The following PITPNM2 variants were observed in gnomAD, a reference collection of about 807,000 sequenced individuals.
PITPNM2 encodes the protein phosphatidylinositol transfer protein membrane associated 2, also known as membrane-associated phosphatidylinositol transfer protein 2.
PITPNM2 carries 35 observed loss-of-function variants against 132.2 expected under a neutral mutation model. The observed-to-expected ratio is 0.26, with a 90% CI of 0.20 to 0.35. The LOEUF (loss-of-function observed/expected upper bound fraction) is 0.35, where lower values mean the gene tolerates loss of function less well. Ranked by LOEUF, PITPNM2 falls within the 10% of genes least tolerant of loss-of-function variation. PITPNM2 has a pLI of 1.00. For missense variants in PITPNM2, 1,332 were observed against 1,912.0 expected, an observed-to-expected ratio of 0.70 and a Z score of 5.66; for synonymous variants, 738 against 799.2, an observed-to-expected ratio of 0.92 and a Z score of 1.29.
At chr12:123,081,280 A>C (rs932887609) in intron 2 of PITPNM2, 3 of 152,352 alleles carry the variant, frequency 2.0e-5, no homozygotes, top group Non-Finnish European at 2.9e-5. Context: ...TGGGCACCAT[A>C]GACTCCATAA....
chr12:123,038,515 A>G (rs1438480200), intron 2 of PITPNM2, among the ~76,000 whole-genome samples: 1 of 152,236 alleles, frequency 6.6e-6, no homozygotes, highest in African/African-American at 2.4e-5. Context: ...CATGAAAACA[A>G]GATAAGTTGC....
intron 8 of PITPNM2, 61 bp from the exon 9 acceptor site, chr12:123,001,219 G>A (rs2038657591): frequency 3.0e-6 from 4 of 1,346,938 alleles, no homozygotes; most frequent in East Asian, 2.3e-5. Flanking sequence ...CTGGCTTCCC[G>A]AGGTGGGGAC....
At chr12:123,110,298 C>G (rs988324869) in intron 2 of PITPNM2, 87 bp downstream of exon 2, 2 of 152,252 alleles carry the variant, frequency 1.3e-5, no homozygotes, top group Non-Finnish European at 2.9e-5. Context: ...ATAAAGTCTC[C>G]GTACCCTCAA....
At chr12:123,133,960 C>T (rs1217178491) in intron 1 of PITPNM2, among the ~76,000 whole-genome samples, 1 of 151,600 alleles carries the variant, frequency 6.6e-6, no homozygotes, top group Non-Finnish European at 1.5e-5. Context: ...AGATTACAGG[C>T]GTGAGCCACC....
intron 10 of PITPNM2, among the ~76,000 whole-genome samples, chr12:122,998,416 GTC>G (rs2038520590): frequency 2.6e-5 from 4 of 152,250 alleles, no homozygotes; most frequent in African/African-American, 9.6e-5. Flanking sequence ...CACATAGCGT[GTC>G]GGTGCCAGGC....
intron 16 of PITPNM2, chr12:122,991,911 G>A (rs749446142): frequency 5.3e-6 from 7 of 1,308,586 alleles, no homozygotes; most frequent in Non-Finnish European, 4.9e-6. Context: ...GGAGGCAGAC[G>A]GGGAGAGAAC....
In PITPNM2 at chr12:123,005,496, G is replaced by A. The variant is rs534829324; in HGVS notation, c.696C>T (p.Asp232=). The change falls in exon 7 of 26, where the codon GAC becomes GAT. Residue 232 remains aspartate, a synonymous_variant. Transcript: ENST00000320201. This position sits in a 1 kb window ranked among gnomAD's most constrained non-coding sequence, Gnocchi z 6.2. ...TCTCCATGCTCAGCCCATACCACTC[G>A]TCCTGCCAGCACCAGGCCTGCCGGT... ...RAHRQAWCWQ[D]EWYGLSMENI... 1.1e-4 allele frequency: 179 copies of A among 1,613,766 alleles called. No homozygotes were observed. Among genetic ancestry groups the A allele is most frequent in the South Asian group, 7.7e-4 (70 of 91,068 alleles).
intron 2 of PITPNM2, among the ~76,000 whole-genome samples, chr12:123,101,515 G>C (rs2042562332): frequency 6.6e-6 from 1 of 152,236 alleles, no homozygotes; most frequent in Non-Finnish European, 1.5e-5. Flanking sequence ...TCAGGCACTG[G>C]AGGGATAATG....
At chr12:123,129,968 G>A (rs1175517708) in intron 1 of PITPNM2, among the ~76,000 whole-genome samples, 4 of 151,568 alleles carry the variant, frequency 2.6e-5, no homozygotes, top group East Asian at 1.9e-4. Context: ...GCAGTGGTAC[G>A]ATCATAGCTC....
At chr12:123,126,121 G>C (rs1029132438) in intron 1 of PITPNM2, among the ~76,000 whole-genome samples, 1 of 151,630 alleles carries the variant, frequency 6.6e-6, no homozygotes, top group Non-Finnish European at 1.5e-5. Context: ...CGCCTGCCTC[G>C]GCCTCCCAAA....
chr12:123,013,734 G>A, intron 4 of PITPNM2, 94 bp downstream of exon 4: 1 of 1,379,582 alleles, frequency 7.2e-7, no homozygotes. Flanking sequence ...CCTGCTTGAA[G>A]GCTGATCCCA....
Position 123,031,188 on chromosome 12 carries a change from C to T in PITPNM2, c.78+3325G>A, listed in dbSNP as rs965400718. ...ACAAGACAACAACCAATCAAGTAAG[C>T]CCAAAGCCCCTAGTCCCAAAAGAAT... On this transcript the variant is annotated intron_variant, in intron 3 of 25. Transcript: ENST00000320201. This position sits in a 1 kb window ranked among gnomAD's most constrained non-coding sequence, Gnocchi z 4.5. Among the ~76,000 whole-genome samples, 1 of 152,206 alleles carries T rather than the reference C, an allele frequency of 6.6e-6. No homozygotes were observed. Among genetic ancestry groups the T allele is most frequent in the African/African-American group, 2.4e-5 (1 of 41,436 alleles).
rs901375651 is a variant in PITPNM2 at position 123,077,147 on chromosome 12, G to A, written c.-96+33238C>T. 8.5e-5 allele frequency among the ~76,000 whole-genome samples: 13 copies of A among 152,194 alleles called. No homozygotes were observed. The highest frequency in any genetic ancestry group is 2.1e-4 in the South Asian group (1 of 4,832). On this transcript the variant is annotated intron_variant, in intron 2 of 25. Coordinates refer to ENST00000320201, the MANE Select transcript of PITPNM2 (RefSeq NM_020845.3). The surrounding 1 kb of genome is among the most constrained non-coding windows in gnomAD (Gnocchi z 4.8). ...AAATCCTGCCTGACCAAACTGTGCC[G>A]AGGGGCTGTCCCAAACAGATGGTGC...
In PITPNM2 at chr12:123,000,658, G is replaced by A; in HGVS notation, c.1224+120C>T. ...CTCTCCCCAGACAGTACCCAGGCAG[G>A]CGTGGAGGTGAGGCTGCCAGGCCCA... On this transcript the variant is annotated intron_variant, in intron 10 of 25. Coordinates refer to ENST00000320201, the MANE Select transcript of PITPNM2 (RefSeq NM_020845.3). The surrounding 1 kb of genome is among the most constrained non-coding windows in gnomAD (Gnocchi z 5.4). 1 of 1,100,634 alleles carries A rather than the reference G, an allele frequency of 9.1e-7. No individual in the cohort carries two copies. Among genetic ancestry groups the A allele is most frequent in the South Asian group, 1.4e-5 (1 of 70,496 alleles). 68.2% of individuals were successfully genotyped at this position (1,100,634 alleles called of 1,614,324 possible). A position where few individuals can be genotyped will look rare whatever the true frequency, so the allele number is the denominator to read the frequency against.
intron 8 of PITPNM2, 60 bp from the exon 9 acceptor site, chr12:123,001,218 CG>C (rs1174080232): frequency 7.2e-7 from 1 of 1,388,834 alleles, no homozygotes; most frequent in African/African-American, 1.4e-5. Flanking sequence ...CCTGGCTTCC[CG>C]AGGTGGGGAC....
chr12:123,121,190 T>C (rs1447669804), intron 1 of PITPNM2, among the ~76,000 whole-genome samples: 1 of 152,166 alleles, frequency 6.6e-6, no homozygotes, highest in African/African-American at 2.4e-5. Context: ...AATGAGAACA[T>C]GGCTAATGGG....
At chr12:123,068,561 C>A (rs186411374) in intron 2 of PITPNM2, among the ~76,000 whole-genome samples, 26 of 152,350 alleles carry the variant, frequency 1.7e-4, no homozygotes, top group Admixed American at 3.9e-4. Flanking sequence ...GCAGGGACTG[C>A]AGGTCTTTCT....
At chr12:122,990,173 G>A (rs1200211103) in intron 17 of PITPNM2, among the ~76,000 whole-genome samples, 1 of 152,254 alleles carries the variant, frequency 6.6e-6, no homozygotes, top group Admixed American at 6.5e-5. Context: ...GGCCCAGCAC[G>A]GGGCGCAGCC....
chr12:123,068,892 C>T (rs1008349498), intron 2 of PITPNM2, among the ~76,000 whole-genome samples: 1 of 152,122 alleles, frequency 6.6e-6, no homozygotes, highest in Non-Finnish European at 1.5e-5. Flanking sequence ...ATGGTTAAGT[C>T]CAGCTTTTCT....
Sources: gnomAD v4.1 joint callset for allele counts (sites outside exome capture counted in the v4.1 genomes callset) on GRCh38, gnomAD v4.1.1 for gene constraint, Gnocchi (gnomAD v3.1) non-coding constraint, MANE v1.5 for transcripts, NCBI Gene and HGNC (gene_info 2026-07-23, HGNC 2026-07-21) for gene names.